PTPRO: variants seen among roughly 807,000 people sequenced by gnomAD.
The protein encoded by PTPRO is protein tyrosine phosphatase receptor type O, also known as receptor-type tyrosine-protein phosphatase O.
Under a neutral mutation model 145.2 loss-of-function variants are expected in PTPRO, and 62 were observed. That is an observed-to-expected ratio of 0.43 (90% CI 0.35 to 0.53). PTPRO has a LOEUF of 0.53. Ranked by LOEUF, PTPRO falls within the 20% of genes least tolerant of loss-of-function variation. The pLI is 0.01. For missense variants in PTPRO, 1,345 were observed against 1,482.7 expected (o/e 0.91, Z 1.53); for synonymous variants, 565 against 514.7 (o/e 1.10, Z -1.32).
chr12:15,346,628 A>G (rs1051736377), intron 1 of PTPRO: 1 of 152,226 alleles, frequency 6.6e-6, no homozygotes, highest in African/African-American at 2.4e-5. Context: ...CGAATGGTCT[A>G]TTTGGTGTAG....
At position 15,338,561 on chromosome 12, in the gene PTPRO, A is replaced by G. The variant is rs776498249; in HGVS notation, c.75+15760A>G. On this transcript the variant is annotated intron_variant, in intron 1 of 26. Coordinates refer to ENST00000281171, the MANE Select transcript of PTPRO (RefSeq NM_030667.3). ...AAGTTCTTGAAAGGACCAATCATTA[A>G]GGCATTCCCCTTCATAATTCCCACA... 1.2e-3 allele frequency among the ~76,000 whole-genome samples: 189 copies of G among 152,288 alleles called. 1 individual carries two copies. Among genetic ancestry groups the G allele is most frequent in the Non-Finnish European group, 5.0e-4 (34 of 67,992 alleles).
At chr12:15,487,250 C>G (rs1941908122) in intron 2 of PTPRO, among the ~76,000 whole-genome samples, 1 of 152,128 alleles carries the variant, frequency 6.6e-6, no homozygotes. Context: ...TACACCGACA[C>G]TGAAATTCTA....
At chr12:15,471,490 A>C (rs1941540859) in intron 1 of PTPRO, among the ~76,000 whole-genome samples, 1 of 152,248 alleles carries the variant, frequency 6.6e-6, no homozygotes, top group Non-Finnish European at 1.5e-5. Flanking sequence ...AGTAATCCAC[A>C]GCCCATTGTA....
intron 1 of PTPRO, among the ~76,000 whole-genome samples, chr12:15,469,236 C>T (rs796411302): frequency 1.3e-5 from 2 of 152,096 alleles, no homozygotes; most frequent in Non-Finnish European, 2.9e-5. Flanking sequence ...TGGGGAAAAA[C>T]CATTTTCAAA....
intron 12 of PTPRO, among the ~76,000 whole-genome samples, chr12:15,545,628 G>A (rs1943268808): frequency 6.6e-6 from 1 of 151,946 alleles, no homozygotes; most frequent in Admixed American, 6.6e-5. Flanking sequence ...AGACAACACA[G>A]CTTCCTTTAC....
chr12:15,510,331 T>C (rs1277131441), intron 7 of PTPRO, among the ~76,000 whole-genome samples: 8 of 152,206 alleles, frequency 5.3e-5, no homozygotes, highest in Non-Finnish European at 1.0e-4. Context: ...CAGTTCATTG[T>C]GTAACTTATT....
At chr12:15,400,969 T>A (rs1939476747) in intron 1 of PTPRO, among the ~76,000 whole-genome samples, 1 of 152,244 alleles carries the variant, frequency 6.6e-6, no homozygotes, top group Non-Finnish European at 1.5e-5. Flanking sequence ...CAAAGAATCT[T>A]AACATTTTAG....
chr12:15,417,835 C>T (rs1373237911), intron 1 of PTPRO, among the ~76,000 whole-genome samples: 1 of 151,680 alleles, frequency 6.6e-6, no homozygotes, highest in Admixed American at 6.6e-5. Context: ...TTTAGTCTTC[C>T]TTTATGCATG....
intron 1 of PTPRO, among the ~76,000 whole-genome samples, chr12:15,407,247 C>T (rs996225416): frequency 1.3e-5 from 2 of 152,178 alleles, no homozygotes; most frequent in African/African-American, 4.8e-5. Context: ...TTAGAAAAGT[C>T]TAAGGACAAG....
intron 1 of PTPRO, among the ~76,000 whole-genome samples, chr12:15,415,675 G>A (rs1269214269): frequency 1.3e-5 from 2 of 151,744 alleles, no homozygotes; most frequent in Admixed American, 6.5e-5. Context: ...GTGAGCCACT[G>A]TGCCCGGCCT....
chr12:15,393,823 C>A (rs938599523), intron 1 of PTPRO, among the ~76,000 whole-genome samples: 4 of 152,024 alleles, frequency 2.6e-5, no homozygotes, highest in Admixed American at 1.3e-4. Context: ...GAAAAGAAAT[C>A]TATTTCTTAC....
chr12:15,448,338 G>GCAAAAAAAAAAAAAAAAAAAAAAAA (rs1565635275), intron 1 of PTPRO, among the ~76,000 whole-genome samples: 1 of 3,866 alleles, frequency 2.6e-4, no homozygotes, highest in Non-Finnish European at 3.6e-3. Context: ...CCTGTTCCTA[G>GCAAAAAAAAAAAAAAAAAAAAAAAA]TAAAAAAAAA....
Position 15,427,871 on chromosome 12 carries a change from T to C in PTPRO, c.76-56103T>C, listed in dbSNP as rs562245155. Among the ~76,000 whole-genome samples the C allele has an allele frequency of 5.3e-5, 8 of 152,264 alleles. No homozygotes were observed. In the South Asian group the frequency reaches 1.7e-3, roughly 32 times the overall value. ...TTATCATGGTTTCCTCTAAGACTGA[T>C]CAACTTTCTCCTTTTACATAAGCAT... On this transcript the variant is annotated intron_variant, in intron 1 of 26. Coordinates refer to ENST00000281171, the MANE Select transcript of PTPRO (RefSeq NM_030667.3).
intron 2 of PTPRO, among the ~76,000 whole-genome samples, chr12:15,494,175 A>T (rs1424790091): frequency 6.6e-6 from 1 of 152,204 alleles, no homozygotes; most frequent in South Asian, 2.1e-4. Flanking sequence ...ACAGGGGGGA[A>T]TTTCAAATAT....
chr12:15,576,379 G>A (rs1177011853), intron 19 of PTPRO, among the ~76,000 whole-genome samples: 2 of 152,202 alleles, frequency 1.3e-5, no homozygotes, highest in African/African-American at 4.8e-5. Context: ...TATCAACTTA[G>A]AGTATTTACA....
rs577605879 is a variant in PTPRO, at chr12:15,569,010, C to T, written c.2748-407C>T. 1.4e-4 allele frequency among the ~76,000 whole-genome samples: 22 copies of T among 152,244 alleles called. No homozygotes were observed. The South Asian group carries it at 4.4e-3, about 30-fold the overall frequency. On this transcript the variant is annotated intron_variant, in intron 18 of 26. Coordinates refer to ENST00000281171, the MANE Select transcript of PTPRO (RefSeq NM_030667.3). ...AGAACATTGACTCTGAAGAGTTAGG[C>T]GATTCTCTAGGATAACACAGTCAAT...
intron 1 of PTPRO, among the ~76,000 whole-genome samples, chr12:15,441,598 C>A (rs1300574831): frequency 6.6e-6 from 1 of 151,904 alleles, no homozygotes; most frequent in Admixed American, 6.6e-5. Flanking sequence ...TAAACAAGAT[C>A]AATACACTAG....
At chr12:15,374,175 G>A (rs1161471677) in intron 1 of PTPRO, among the ~76,000 whole-genome samples, 3 of 152,144 alleles carry the variant, frequency 2.0e-5, no homozygotes, top group African/African-American at 7.2e-5. Context: ...TCCATAGGAA[G>A]CACTTAACTT....
intron 26 of PTPRO, 195 bp from the exon 27 acceptor site, chr12:15,595,895 C>G (rs1432851003): frequency 6.5e-6 from 1 of 152,812 alleles, no homozygotes; most frequent in African/African-American, 2.4e-5. Context: ...TAAAGAAAGA[C>G]AGAGAGAAAC....
Sources: gnomAD v4.1 joint callset for allele counts (sites outside exome capture counted in the v4.1 genomes callset) on GRCh38, gnomAD v4.1.1 for gene constraint, MANE v1.5 for transcripts, NCBI Gene and HGNC (gene_info 2026-07-23, HGNC 2026-07-21) for gene names.